Variants in ZNF385D observed in about 807,000 individuals in gnomAD.
ZNF385D encodes zinc finger protein 385D.
Under a neutral mutation model 35.8 loss-of-function variants are expected in ZNF385D, and 15 were observed. That is an observed-to-expected ratio of 0.42 (90% confidence interval 0.28 to 0.64). The LOEUF is 0.64. Ranked by LOEUF, ZNF385D falls within the 30% of genes least tolerant of loss-of-function variation. The pLI is 0.23. For missense variants in ZNF385D, 474 were observed against 494.6 expected, an observed-to-expected ratio of 0.96 and a Z score of 0.39; for synonymous variants, 212 against 186.8, an observed-to-expected ratio of 1.13 and a Z score of -1.10.
chr3:21,414,853 A>T lies in ZNF385D; in HGVS notation c.*6361T>A, dbSNP rs1385072773. The T allele has an allele frequency of 2.0e-5, 3 of 152,152 alleles. No individual in the cohort carries two copies. The highest frequency in any genetic ancestry group is 7.2e-5 in the African/African-American group (3 of 41,436). The allele number at this position is 152,152 out of a possible 1,614,324, so 9.4% of individuals were successfully genotyped here. A position where few individuals can be genotyped will look rare whatever the true frequency, so the allele number is the denominator to read the frequency against. On this transcript the variant is annotated 3_prime_UTR_variant, in exon 8 of 8. Coordinates refer to ENST00000281523, the MANE Select transcript of ZNF385D (RefSeq NM_024697.3). ...AAATGGAATTTTTCTTGACTATTTG[A>T]TAAAAGTTAAACTTTCCAGGATCTC...
intron 1 of ZNF385D, among the ~76,000 whole-genome samples, chr3:21,747,774 T>C (rs2069849648): frequency 6.6e-6 from 1 of 152,216 alleles, no homozygotes; most frequent in Non-Finnish European, 1.5e-5. Flanking sequence ...TCCATTGTAC[T>C]GACAACCACC....
At chr3:21,640,591 G>A (rs1441246745) in intron 2 of ZNF385D, among the ~76,000 whole-genome samples, 1 of 152,018 alleles carries the variant, frequency 6.6e-6, no homozygotes, top group Non-Finnish European at 1.5e-5. Flanking sequence ...TCTCTCCTGT[G>A]AGAATACAAT....
chr3:21,952,927 T>C (rs1355692332), intron 3 of ZNF385D, among the ~76,000 whole-genome samples: 1 of 152,026 alleles, frequency 6.6e-6, no homozygotes, highest in East Asian at 1.9e-4. Context: ...ATAAACTCAT[T>C]TCTCAGACTT....
intron 2 of ZNF385D, among the ~76,000 whole-genome samples, chr3:22,282,776 A>G (rs1378469363): frequency 6.6e-6 from 1 of 152,070 alleles, no homozygotes; most frequent in Non-Finnish European, 1.5e-5. Context: ...TTATAACACA[A>G]TGAAAAAAAA....
At chr3:21,680,832 C>T (rs1410319578) in intron 1 of ZNF385D, among the ~76,000 whole-genome samples, 1 of 151,932 alleles carries the variant, frequency 6.6e-6, no homozygotes, top group East Asian at 1.9e-4. Flanking sequence ...TTTTTTTTCA[C>T]ATATCCTAGC....
At chr3:22,299,816 A>T (rs542347470) in intron 2 of ZNF385D, among the ~76,000 whole-genome samples, 2 of 152,092 alleles carry the variant, frequency 1.3e-5, no homozygotes, top group Non-Finnish European at 2.9e-5. Context: ...ACATTAAAGA[A>T]CACAAATAAA....
intron 3 of ZNF385D, among the ~76,000 whole-genome samples, chr3:22,110,686 T>C (rs1447273165): frequency 5.3e-5 from 8 of 151,668 alleles, no homozygotes; most frequent in Non-Finnish European, 1.2e-4. Context: ...ACACCTAATG[T>C]TAAATGACAA....
chr3:22,326,745 C>T (rs1170534056), intron 2 of ZNF385D, among the ~76,000 whole-genome samples: 1 of 152,112 alleles, frequency 6.6e-6, no homozygotes, highest in Non-Finnish European at 1.5e-5. Flanking sequence ...GTGTATTGAC[C>T]ATAAGTGTAC....
intron 2 of ZNF385D, among the ~76,000 whole-genome samples, chr3:21,591,137 A>G (rs1256174327): frequency 6.6e-6 from 1 of 152,162 alleles, no homozygotes; most frequent in African/African-American, 2.4e-5. Context: ...TTCAACCTGC[A>G]GTGAGCCAAT....
intron 3 of ZNF385D, among the ~76,000 whole-genome samples, chr3:22,120,028 C>G (rs1559383440): frequency 6.8e-6 from 1 of 147,734 alleles, no homozygotes. Flanking sequence ...CAGGATCTCA[C>G]TATCTTGACC....
chr3:21,762,936 C>A (rs9822858), intron 3 of ZNF385D, among the ~76,000 whole-genome samples: 1 of 151,986 alleles, frequency 6.6e-6, no homozygotes, highest in Non-Finnish European at 1.5e-5. Flanking sequence ...CTCCCTTCCA[C>A]AGTGCTGACC....
intron 1 of ZNF385D, among the ~76,000 whole-genome samples, chr3:21,688,228 T>C (rs1559520095): frequency 1.3e-5 from 2 of 152,116 alleles, no homozygotes; most frequent in Non-Finnish European, 2.9e-5. Flanking sequence ...CTTTGTTCTG[T>C]TGGAATAATT....
At chr3:22,028,020 T>C (rs945045562) in intron 3 of ZNF385D, among the ~76,000 whole-genome samples, 21 of 152,138 alleles carry the variant, frequency 1.4e-4, no homozygotes, top group Non-Finnish European at 2.9e-5. Context: ...TGCACCTGGT[T>C]GCTCACTCTG....
intron 3 of ZNF385D, among the ~76,000 whole-genome samples, chr3:21,932,471 C>T (rs665732): frequency 0.82 from 124,330 of 151,828 alleles, 51,311 homozygotes; most frequent in East Asian, 0.98. Context: ...ACCATAGGTA[C>T]TGTTATCCCT....
At chr3:21,833,611 G>A (rs890948680) in intron 3 of ZNF385D, among the ~76,000 whole-genome samples, 1 of 152,138 alleles carries the variant, frequency 6.6e-6, no homozygotes, top group Non-Finnish European at 1.5e-5. Context: ...CTATGAGAAA[G>A]TAAATTTCTG....
intron 3 of ZNF385D, among the ~76,000 whole-genome samples, chr3:22,111,720 T>C (rs1702546910): frequency 6.6e-6 from 1 of 152,152 alleles, no homozygotes; most frequent in Admixed American, 6.6e-5. Flanking sequence ...AGACATCGGA[T>C]CAAACTTTTA....
chr3:22,077,990 T>C (rs1341909101), intron 3 of ZNF385D, among the ~76,000 whole-genome samples: 1 of 151,822 alleles, frequency 6.6e-6, no homozygotes, highest in Non-Finnish European at 1.5e-5. Context: ...AGACAAAAAT[T>C]GGGTTGGCCA....
intron 3 of ZNF385D, among the ~76,000 whole-genome samples, chr3:22,010,979 T>C (rs1342659541): frequency 6.6e-6 from 1 of 152,106 alleles, no homozygotes; most frequent in Non-Finnish European, 1.5e-5. Flanking sequence ...TGAAATAAAA[T>C]CCTGGATAGA....
At chr3:22,088,767 G>C (rs1036875028) in intron 3 of ZNF385D, among the ~76,000 whole-genome samples, 11 of 152,184 alleles carry the variant, frequency 7.2e-5, no homozygotes, top group Admixed American at 6.5e-4. Flanking sequence ...AGTAAAAGAA[G>C]AAAACCAGAC....
Sources: allele counts gnomAD v4.1 joint callset (sites outside exome capture counted in the v4.1 genomes callset), GRCh38; gene constraint gnomAD v4.1.1; transcripts MANE v1.5; gene names NCBI Gene and HGNC (gene_info 2026-07-23, HGNC 2026-07-21).